LSAMP: variants seen among roughly 807,000 people sequenced by gnomAD.
The protein encoded by LSAMP is limbic system-associated membrane protein.
Under a neutral mutation model 38.6 loss-of-function variants are expected in LSAMP, and 7 were observed. The observed-to-expected ratio is 0.18, with a 90% CI of 0.10 to 0.34. The LOEUF is 0.34. Ranked by LOEUF, LSAMP falls within the 10% of genes least tolerant of loss-of-function variation. LSAMP has a pLI of 1.00. For missense variants in LSAMP, 313 were observed against 420.0 expected, an observed-to-expected ratio of 0.75 and a Z score of 2.23; for synonymous variants, 154 against 166.8, an observed-to-expected ratio of 0.92 and a Z score of 0.59.
intron 1 of LSAMP, among the ~76,000 whole-genome samples, chr3:116,158,447 C>A (rs529102453): frequency 6.6e-6 from 1 of 152,108 alleles, no homozygotes; most frequent in South Asian, 2.1e-4. Context: ...CCAGATAACA[C>A]CATAGTATCT....
chr3:116,295,863 T>G (rs1042830944), intron 1 of LSAMP, among the ~76,000 whole-genome samples: 3 of 152,174 alleles, frequency 2.0e-5, no homozygotes, highest in Non-Finnish European at 4.4e-5. Flanking sequence ...CAGTTCAGAC[T>G]TCAGATTAAG....
At chr3:116,089,914 C>A (rs900165375) in intron 1 of LSAMP, among the ~76,000 whole-genome samples, 12 of 151,914 alleles carry the variant, frequency 7.9e-5, no homozygotes, top group African/African-American at 2.7e-4. Flanking sequence ...GGAAAATAAT[C>A]CTTCTACAAT....
At chr3:116,174,890 T>A (rs1269511404) in intron 1 of LSAMP, among the ~76,000 whole-genome samples, 4 of 152,134 alleles carry the variant, frequency 2.6e-5, no homozygotes, top group Admixed American at 1.3e-4. Context: ...TGGCTATATG[T>A]GTGACCCTTT....
intron 1 of LSAMP, among the ~76,000 whole-genome samples, chr3:116,422,066 A>T (rs1051195396): frequency 4.6e-5 from 7 of 152,246 alleles, no homozygotes; most frequent in Admixed American, 6.5e-5. Context: ...ATAATATGGC[A>T]TATCTACACA....
chr3:116,152,383 T>A (rs1001181587), intron 1 of LSAMP, among the ~76,000 whole-genome samples: 1 of 152,122 alleles, frequency 6.6e-6, no homozygotes, highest in Non-Finnish European at 1.5e-5. Context: ...AGCTAAGGAA[T>A]GTGCAGAAAG....
intron 1 of LSAMP, among the ~76,000 whole-genome samples, chr3:116,142,331 C>A (rs1395065491): frequency 1.3e-5 from 2 of 151,978 alleles, no homozygotes; most frequent in African/African-American, 4.8e-5. Flanking sequence ...TAGGCAAACC[C>A]AGAAAGTATA....
intron 3 of LSAMP, among the ~76,000 whole-genome samples, chr3:116,016,792 G>A (rs184877172): frequency 2.4e-4 from 36 of 152,244 alleles, no homozygotes; most frequent in Non-Finnish European, 3.8e-4. Flanking sequence ...ATTTTTGCAT[G>A]TCAAAGAAAT....
At chr3:116,440,295 T>C (rs2049416193) in intron 1 of LSAMP, among the ~76,000 whole-genome samples, 1 of 152,176 alleles carries the variant, frequency 6.6e-6, no homozygotes, top group Admixed American at 6.5e-5. Flanking sequence ...GCCCTTTGTA[T>C]TTGGCACTCT....
chr3:116,353,644 T>A (rs140231160), intron 1 of LSAMP, among the ~76,000 whole-genome samples: 1 of 152,092 alleles, frequency 6.6e-6, no homozygotes, highest in East Asian at 1.9e-4. Flanking sequence ...TCCAGAACTA[T>A]CTAGGCCAGT....
intron 2 of LSAMP, among the ~76,000 whole-genome samples, chr3:116,043,925 G>GA (rs1407535519): frequency 6.6e-6 from 1 of 152,210 alleles, no homozygotes; most frequent in Non-Finnish European, 1.5e-5. Context: ...CCGCCTGGGC[G>GA]AAAGAGCGAG....
chr3:115,829,828 A>T (rs1193136362), intron 6 of LSAMP, among the ~76,000 whole-genome samples: 3 of 152,252 alleles, frequency 2.0e-5, no homozygotes, highest in African/African-American at 7.2e-5. Context: ...AGAAATCTTT[A>T]GAATCCATAA....
intron 3 of LSAMP, among the ~76,000 whole-genome samples, chr3:115,875,217 A>C (rs1004764905): frequency 3.9e-5 from 6 of 152,154 alleles, no homozygotes; most frequent in Non-Finnish European, 8.8e-5. Context: ...CCATCAGAAG[A>C]AGCGAGGCGA....
At chr3:116,385,619 T>A (rs1303828301) in intron 1 of LSAMP, among the ~76,000 whole-genome samples, 1 of 152,178 alleles carries the variant, frequency 6.6e-6, no homozygotes, top group Non-Finnish European at 1.5e-5. Context: ...AGTCTCAGTC[T>A]ATTATTATTA....
At chr3:116,387,468 A>G (rs957028304) in intron 1 of LSAMP, among the ~76,000 whole-genome samples, 1 of 152,204 alleles carries the variant, frequency 6.6e-6, no homozygotes, top group South Asian at 2.1e-4. Context: ...CCAGAACCAT[A>G]GTCCAAATAT....
intron 1 of LSAMP, among the ~76,000 whole-genome samples, chr3:116,147,954 A>C (rs1709525932): frequency 6.6e-6 from 1 of 150,512 alleles, no homozygotes; most frequent in Non-Finnish European, 1.5e-5. Flanking sequence ...AATATGAATA[A>C]AACTAATATA....
chr3:116,359,300 C>T (rs974494052), intron 1 of LSAMP, among the ~76,000 whole-genome samples: 1 of 151,900 alleles, frequency 6.6e-6, no homozygotes. Flanking sequence ...TATGTGATAC[C>T]AACTCAAAAA....
At chr3:116,271,202 T>C (rs910926112) in intron 1 of LSAMP, among the ~76,000 whole-genome samples, 1 of 152,078 alleles carries the variant, frequency 6.6e-6, no homozygotes, top group African/African-American at 2.4e-5. Flanking sequence ...AGTATAAAAA[T>C]ACAAGGTATC....
chr3:115,829,465 T>C (rs941968973), intron 6 of LSAMP, among the ~76,000 whole-genome samples: 1 of 152,262 alleles, frequency 6.6e-6, no homozygotes, highest in Non-Finnish European at 1.5e-5. Flanking sequence ...GGTGCTGACA[T>C]GTCTGCCTAA....
At chr3:116,330,852 CAA>C (rs1467141510) in intron 1 of LSAMP, among the ~76,000 whole-genome samples, 1 of 151,864 alleles carries the variant, frequency 6.6e-6, no homozygotes, top group African/African-American at 2.4e-5. Flanking sequence ...TTTTCAACAA[CAA>C]AAAATCATAA....
Sources: gnomAD v4.1 joint callset for allele counts (sites outside exome capture counted in the v4.1 genomes callset) on GRCh38, gnomAD v4.1.1 for gene constraint, MANE v1.5 for transcripts, NCBI Gene and HGNC (gene_info 2026-07-23, HGNC 2026-07-21) for gene names.